Variants in ABCA9 observed in about 807,000 individuals in gnomAD.
The protein encoded by ABCA9 is ATP binding cassette subfamily A member 9.
ABCA9 carries 183 observed loss-of-function variants against 205.3 expected under a neutral mutation model. The ratio of observed to expected loss-of-function variants is 0.89; its 90% CI spans 0.79 to 1.01. ABCA9 has a LOEUF of 1.01. ABCA9 is among the 50% of genes least tolerant of loss of function. The pLI is 0.00. For synonymous variants in ABCA9, 651 were observed against 683.3 expected (o/e 0.95, Z 0.74); for missense variants, 1,805 against 1,912.4 (o/e 0.94, Z 1.05).
At chr17:69,051,496 T>C (rs1886455948) in intron 1 of ABCA9, 1 of 233,264 alleles carries the variant, frequency 4.3e-6, no homozygotes, top group Admixed American at 5.2e-5. Flanking sequence ...CCCAGTCACA[T>C]GGGTGATTCA....
At chr17:69,066,213 T>C in the ABCA9 span, among the ~76,000 whole-genome samples, 2 of 152,166 alleles carry the variant, frequency 1.3e-5, no homozygotes, top group Admixed American at 6.5e-5. Context: ...TTAGGCTAAA[T>C]ATACTCATTT....
intron 1 of ABCA9, 119 bp from the exon 2 acceptor site, chr17:69,051,258 A>G: frequency 1.2e-6 from 1 of 827,766 alleles, no homozygotes; most frequent in Non-Finnish European, 1.8e-6. Context: ...CTGGAGAAGA[A>G]GAAAGCCAAA....
At chr17:69,067,167 G>A in the ABCA9 span, among the ~76,000 whole-genome samples, 1 of 151,928 alleles carries the variant, frequency 6.6e-6, no homozygotes, top group African/African-American at 2.4e-5. Flanking sequence ...GCTAAATTTT[G>A]TAATATTTTT....
In ABCA9 at chr17:69,027,364, A is replaced by G; in HGVS notation, c.1877T>C (p.Leu626Pro). 1 of 1,613,336 alleles carries G rather than the reference A, an allele frequency of 6.2e-7. No homozygotes were observed. The highest frequency in any genetic ancestry group is 8.5e-7 in the Non-Finnish European group (1 of 1,179,652). The change falls in exon 14 of 39, where the codon CTA (leucine) becomes CCA (proline). Residue 626 changes from leucine (L) to proline (P), a missense_variant. Transcript: ENST00000340001. Reference protein sequence around the residue: ...QNLSGGQNRKLTFGIAILGDP... With the variant: ...QNLSGGQNRKPTFGIAILGDP... The stretch of plus-strand genomic sequence containing the variant: ...TCCTAAAATGGCAATCCCAAAAGTT[A>G]GTTTCCTATTTTGTCCACCACTTAA...
In ABCA9 at chr17:68,990,924, G is replaced by A. The variant is rs768461060; in HGVS notation, c.3750C>T (p.Asn1250=). 6.2e-7 allele frequency: 1 copy of A among 1,613,322 alleles called. No homozygotes were observed. Among genetic ancestry groups the A allele is most frequent in the South Asian group, 1.1e-5 (1 of 90,970 alleles). Residue 1250 remains asparagine, a synonymous_variant, in exon 29 of 39, where the codon AAC becomes AAT. Coordinates refer to ENST00000340001, the MANE Select transcript of ABCA9 (RefSeq NM_080283.4). The part of the protein sequence containing the change: ...ISPRSNAIFP[N]PEEPEGEEED... ...CCTCCTCTCCTTCAGGCTCTTCTGG[G>A]TTTGGAAAAATAGCGTTGCTTCTTG...
chr17:69,066,838 C>T, the ABCA9 span, among the ~76,000 whole-genome samples: 7 of 151,790 alleles, frequency 4.6e-5, no homozygotes, highest in Non-Finnish European at 8.8e-5. Context: ...TTAGACATGT[C>T]AGGAACTCAT....
At chr17:68,990,745 C>T in intron 29 of ABCA9, 92 bp downstream of exon 29, 1 of 1,499,454 alleles carries the variant, frequency 6.7e-7, no homozygotes, top group East Asian at 2.3e-5. Flanking sequence ...ATGAAAGAAC[C>T]CCAAGTGTTT....
chr17:69,069,177 T>C, the ABCA9 span, among the ~76,000 whole-genome samples: 4 of 152,144 alleles, frequency 2.6e-5, no homozygotes, highest in African/African-American at 7.2e-5. Flanking sequence ...CCATCAGAGA[T>C]TGAGGTTTCA....
intron 6 of ABCA9, among the ~76,000 whole-genome samples, chr17:69,041,400 T>C (rs946912830): frequency 5.9e-5 from 9 of 152,176 alleles, no homozygotes; most frequent in Non-Finnish European, 1.3e-4. Flanking sequence ...TATAATTCTT[T>C]GTATATCATT....
chr17:69,013,945 C>T (rs2070482251), intron 22 of ABCA9, among the ~76,000 whole-genome samples: 1 of 152,144 alleles, frequency 6.6e-6, no homozygotes, highest in African/African-American at 2.4e-5. Flanking sequence ...TACCTATGAA[C>T]TCAAGGTCAG....
At chr17:69,062,273 GA>G, upstream of ABCA9, among the ~76,000 whole-genome samples, 1 of 152,124 alleles carries the variant, frequency 6.6e-6, no homozygotes, top group African/African-American at 2.4e-5. Flanking sequence ...TTTGTGCACA[GA>G]GAATATAATT....
intron 23 of ABCA9, among the ~76,000 whole-genome samples, chr17:69,009,612 A>G (rs951934832): frequency 2.6e-5 from 4 of 152,160 alleles, no homozygotes; most frequent in Admixed American, 6.5e-5. Flanking sequence ...GAGAATTAAC[A>G]TGGTCAGCTT....
At position 69,035,974 on chromosome 17, in the gene ABCA9, G is replaced by A. The variant is rs539590315; in HGVS notation, c.801-173C>T. Among the ~76,000 whole-genome samples, 203 of 152,220 alleles carry A rather than the reference G, an allele frequency of 1.3e-3. 8 individuals carry two copies. The South Asian group carries it at 0.039, about 29-fold the overall frequency. ...GATCACATAATATAAAAGAAGGTAG[G>A]CAATAAACAAGTAGAGAGGAAAATT... On this transcript the variant is annotated intron_variant, in intron 6 of 38. Coordinates refer to ENST00000340001, the MANE Select transcript of ABCA9 (RefSeq NM_080283.4).
Position 69,023,531 on chromosome 17 carries a change from A to G in ABCA9, c.2281+683T>C, listed in dbSNP as rs1278332711. ...TTTCTTTATGGACCAAGGTTATGTC[A>G]TGCTTATTGATTCAAGCATGCAGCA... is the stretch of plus-strand genomic sequence containing the variant. On this transcript the variant is annotated intron_variant, in intron 17 of 38. Transcript: ENST00000340001. The surrounding 1 kb of genome is among the most constrained non-coding windows in gnomAD (Gnocchi z 4.2). Among the ~76,000 whole-genome samples, 1 of 152,184 alleles carries G rather than the reference A, an allele frequency of 6.6e-6. No individual in the cohort carries two copies. The highest frequency in any genetic ancestry group is 2.4e-5 in the African/African-American group (1 of 41,432).
intron 8 of ABCA9, among the ~76,000 whole-genome samples, chr17:69,034,412 G>A (rs2071266288): frequency 6.6e-6 from 1 of 151,914 alleles, no homozygotes; most frequent in African/African-American, 2.4e-5. Context: ...GTGGAGATGG[G>A]GTTTCACCAT....
At chr17:68,993,122 C>T (rs1201910689) in intron 26 of ABCA9, 38 bp from the exon 27 acceptor site, 1 of 1,535,862 alleles carries the variant, frequency 6.5e-7, no homozygotes, top group African/African-American at 1.4e-5. Context: ...GGTGAACCTT[C>T]TTTATTTATT....
chr17:69,043,735 A>C lies in ABCA9; in HGVS notation c.574-20T>G, dbSNP rs184008487. ...TGCGATCTGAAGAAAGATATCAATG[A>C]ACAAATTGTTATCATCAATCTAATT... On this transcript the variant is annotated intron_variant, in intron 5 of 38. Coordinates refer to ENST00000340001, the MANE Select transcript of ABCA9 (RefSeq NM_080283.4). 9.0e-4 allele frequency: 1,384 copies of C among 1,544,004 alleles called. 2 individuals are homozygous for C. Among genetic ancestry groups the C allele is most frequent in the Non-Finnish European group, 1.1e-3 (1,281 of 1,140,674 alleles).
chr17:69,056,110 A>AAAAAG (rs2072062673), intron 1 of ABCA9, among the ~76,000 whole-genome samples: 1 of 152,204 alleles, frequency 6.6e-6, no homozygotes, highest in African/African-American at 2.4e-5. Context: ...AGGAAATTAG[A>AAAAAG]AAAAGAAAAG....
the ABCA9 span, among the ~76,000 whole-genome samples, chr17:69,068,023 C>T: frequency 6.6e-6 from 1 of 152,148 alleles, no homozygotes; most frequent in Admixed American, 6.5e-5. Flanking sequence ...CTGGGGGGCA[C>T]TAATTCTTTC....
Sources: gnomAD v4.1 joint callset for allele counts (sites outside exome capture counted in the v4.1 genomes callset) on GRCh38, gnomAD v4.1.1 for gene constraint, Gnocchi (gnomAD v3.1) non-coding constraint, MANE v1.5 for transcripts, NCBI Gene and HGNC (gene_info 2026-07-23, HGNC 2026-07-21) for gene names.